The following ADAMTS3 variants were observed in gnomAD, a reference collection of about 807,000 sequenced individuals.
The protein encoded by ADAMTS3 is ADAM metallopeptidase with thrombospondin type 1 motif 3.
A neutral mutation model predicts 129.0 loss-of-function variants in ADAMTS3; 73 were observed. That is an observed-to-expected ratio of 0.57 (90% CI 0.47 to 0.69). ADAMTS3 has a LOEUF of 0.69. Ranked by LOEUF, ADAMTS3 falls within the 30% of genes least tolerant of loss-of-function variation. The pLI is 0.00. For missense variants in ADAMTS3, 1,457 were observed against 1,514.5 expected, an observed-to-expected ratio of 0.96 and a Z score of 0.63; for synonymous variants, 477 against 510.8, an observed-to-expected ratio of 0.93 and a Z score of 0.89.
intron 11 of ADAMTS3, among the ~76,000 whole-genome samples, chr4:72,314,825 C>T (rs1428453989): frequency 6.6e-6 from 1 of 152,130 alleles, no homozygotes; most frequent in Non-Finnish European, 1.5e-5. Context: ...ATCCCTGTCA[C>T]AAGTACAGTT....
intron 15 of ADAMTS3, among the ~76,000 whole-genome samples, chr4:72,306,937 T>C (rs1235868120): frequency 6.6e-6 from 1 of 151,912 alleles, no homozygotes; most frequent in African/African-American, 2.4e-5. Flanking sequence ...CCATAAATCA[T>C]AAATATTATG....
intron 13 of ADAMTS3, among the ~76,000 whole-genome samples, chr4:72,311,850 T>C (rs1405981635): frequency 5.3e-5 from 8 of 152,146 alleles, no homozygotes; most frequent in East Asian, 1.9e-4. Flanking sequence ...ATCTTTAAAC[T>C]ATAGTAAAAA....
In ADAMTS3 at chr4:72,469,093, A is replaced by C. The variant is rs1718996321; in HGVS notation, c.505-54122T>G. On this transcript the variant is annotated intron_variant, in intron 3 of 21. Transcript: ENST00000286657. ...ATCATTATCAACTTAACAAATTAGC[A>C]CTCTTGTGCCCTCTAGTGGATGAAT... Among the ~76,000 whole-genome samples the C allele has an allele frequency of 2.0e-5, 3 of 151,846 alleles. No homozygotes were observed. The South Asian group carries it at 6.2e-4, about 32-fold the overall frequency.
intron 4 of ADAMTS3, among the ~76,000 whole-genome samples, chr4:72,363,637 G>A (rs1054831534): frequency 1.3e-5 from 2 of 152,102 alleles, no homozygotes; most frequent in African/African-American, 4.8e-5. Flanking sequence ...CCCAGGCACA[G>A]ATCTATGCAC....
At chr4:72,442,032 T>C (rs1258550503) in intron 3 of ADAMTS3, 1 of 151,788 alleles carries the variant, frequency 6.6e-6, no homozygotes, top group Non-Finnish European at 1.5e-5. Context: ...GCAGATGGCT[T>C]CTCTTTGCTC....
chr4:72,369,996 A>G (rs1720963955), intron 4 of ADAMTS3, among the ~76,000 whole-genome samples: 1 of 152,202 alleles, frequency 6.6e-6, no homozygotes, highest in Non-Finnish European at 1.5e-5. Context: ...GGGTTGTGTG[A>G]GCCCTTGAGG....
At chr4:72,417,746 C>A (rs1271954781) in intron 3 of ADAMTS3, among the ~76,000 whole-genome samples, 2 of 151,514 alleles carry the variant, frequency 1.3e-5, no homozygotes, top group Admixed American at 1.3e-4. Context: ...CTGGCTAACA[C>A]GGTGAAACCC....
chr4:72,525,307 A>C (rs998096088), intron 3 of ADAMTS3, among the ~76,000 whole-genome samples: 2 of 152,232 alleles, frequency 1.3e-5, no homozygotes, highest in Non-Finnish European at 2.9e-5. Flanking sequence ...ATAACTTAGA[A>C]AAAATCCTTG....
In ADAMTS3 at chr4:72,299,929, T is replaced by TA. The variant is rs563647419; in HGVS notation, c.2425-1488dup. On this transcript the variant is annotated intron_variant, in intron 17 of 21. Coordinates refer to ENST00000286657, the MANE Select transcript of ADAMTS3 (RefSeq NM_014243.3). ...ATTTTGTTCAGGGCAAAGCTGCCTTTAAAAAAATTGATTTTCATGTAGCTT... is the reference window on the plus strand; with the variant it reads ...ATTTTGTTCAGGGCAAAGCTGCCTTTAAAAAAAATTGATTTTCATGTAGCTT... Among the ~76,000 whole-genome samples, 187 of 152,192 alleles carry TA rather than the reference T, an allele frequency of 1.2e-3. 2 individuals are homozygous for TA. The highest frequency in any genetic ancestry group is 4.3e-3 in the African/African-American group (177 of 41,524).
intron 3 of ADAMTS3, among the ~76,000 whole-genome samples, chr4:72,424,614 A>C (rs1224305801): frequency 2.6e-5 from 4 of 152,104 alleles, no homozygotes; most frequent in African/African-American, 4.8e-5. Context: ...AGCCCTAGGA[A>C]GCTCATTATT....
intron 3 of ADAMTS3, among the ~76,000 whole-genome samples, chr4:72,477,357 C>A (rs573048886): frequency 5.9e-5 from 9 of 152,248 alleles, no homozygotes; most frequent in South Asian, 2.1e-4. Context: ...GACCACAGTG[C>A]AATCAAACTA....
chr4:72,534,922 G>A (rs995423788), intron 3 of ADAMTS3, among the ~76,000 whole-genome samples: 1 of 152,140 alleles, frequency 6.6e-6, no homozygotes, highest in African/African-American at 2.4e-5. Flanking sequence ...AACCAATATG[G>A]CTCAATATTA....
intron 3 of ADAMTS3, among the ~76,000 whole-genome samples, chr4:72,440,025 G>T (rs1265549786): frequency 4.6e-5 from 7 of 151,570 alleles, no homozygotes; most frequent in Non-Finnish European, 1.0e-4. Context: ...CAGAAAATCA[G>T]TTAAGAGCTT....
intron 3 of ADAMTS3, among the ~76,000 whole-genome samples, chr4:72,529,194 A>C (rs536106206): frequency 2.4e-4 from 37 of 152,210 alleles, no homozygotes; most frequent in Admixed American, 4.6e-4. Context: ...TTGAAAGACA[A>C]AAAGGCCAGA....
rs375739707 is a variant in ADAMTS3, at chr4:72,465,417, C to A, written c.505-50446G>T. Among the ~76,000 whole-genome samples, 16 of 152,036 alleles carry A rather than the reference C, an allele frequency of 1.1e-4. No homozygotes were observed. In the East Asian group the frequency reaches 2.9e-3, roughly 28 times the overall value. On this transcript the variant is annotated intron_variant, in intron 3 of 21. Coordinates refer to ENST00000286657, the MANE Select transcript of ADAMTS3 (RefSeq NM_014243.3). The stretch of plus-strand genomic sequence containing the variant: ...AAGGCTTGGATCATGTAAGGCCTTG[C>A]AGATGATGGTACAAAGTTTGGCTTT...
At chr4:72,477,792 T>C (rs1257021475) in intron 3 of ADAMTS3, among the ~76,000 whole-genome samples, 1 of 151,756 alleles carries the variant, frequency 6.6e-6, no homozygotes, top group East Asian at 1.9e-4. Flanking sequence ...GATAGACCAC[T>C]AGCAAGACTA....
chr4:72,380,689 C>T (rs1055438651), intron 4 of ADAMTS3, among the ~76,000 whole-genome samples: 2 of 152,136 alleles, frequency 1.3e-5, no homozygotes, highest in African/African-American at 4.8e-5. Flanking sequence ...CTCACACAAT[C>T]TCACAATTCA....
chr4:72,324,364 TA>T, intron 5 of ADAMTS3, among the ~76,000 whole-genome samples: 1 of 152,170 alleles, frequency 6.6e-6, no homozygotes, highest in Non-Finnish European at 1.5e-5. Flanking sequence ...AGAACACCTT[TA>T]AAAAAATCAG....
intron 2 of ADAMTS3, among the ~76,000 whole-genome samples, chr4:72,554,075 A>G (rs956462720): frequency 3.3e-4 from 51 of 152,256 alleles, no homozygotes; most frequent in African/African-American, 2.6e-4. Flanking sequence ...TCTTTTATCT[A>G]AATTCCTCAT....
Sources: gnomAD v4.1 joint callset for allele counts (sites outside exome capture counted in the v4.1 genomes callset) on GRCh38, gnomAD v4.1.1 for gene constraint, MANE v1.5 for transcripts, NCBI Gene and HGNC (gene_info 2026-07-23, HGNC 2026-07-21) for gene names.